The following RIPK1 variants were observed in gnomAD, a reference collection of about 807,000 sequenced individuals.
RIPK1 encodes the protein receptor-interacting serine/threonine-protein kinase 1.
In RIPK1, 27 loss-of-function variants were observed where a neutral mutation model predicts 62.4. That is an observed-to-expected ratio of 0.43 (90% CI 0.32 to 0.60). RIPK1 has a LOEUF of 0.60. Among genes scored for constraint, RIPK1 ranks in the 20% least tolerant of loss-of-function variants. RIPK1 has a pLI of 0.07. For missense variants in RIPK1, 735 were observed against 831.0 expected (o/e 0.88, Z 1.42); for synonymous variants, 287 against 303.2 (o/e 0.95, Z 0.55).
At position 3,068,523 on chromosome 6, in the gene RIPK1, A is replaced by G. The variant is rs192284169; in HGVS notation, c.-199A>G. The G allele has an allele frequency of 8.9e-3, 8,723 of 984,996 alleles. 44 individuals are homozygous for G. The highest frequency in any genetic ancestry group is 9.3e-3 in the Non-Finnish European group (7,721 of 829,690). 61.0% of individuals were successfully genotyped at this position (984,996 alleles called of 1,614,324 possible). On this transcript the variant is annotated 5_prime_UTR_variant, in exon 1 of 11. Transcript: ENST00000259808. ...CACGCCCTCCAGCCGGGCGCGCTCG[A>G]CGCGGACGGCGGGCCAGCTGCCGGA...
chr6:3,077,035 G>A, intron 2 of RIPK1, 48 bp downstream of exon 2: 4 of 1,525,408 alleles, frequency 2.6e-6, no homozygotes, highest in Non-Finnish European at 3.5e-6. Flanking sequence ...GCGGGATGGG[G>A]ACGTTGGCTG....
At chr6:3,069,486 G>T (rs897846454) in intron 1 of RIPK1, among the ~76,000 whole-genome samples, 2 of 152,108 alleles carry the variant, frequency 1.3e-5, no homozygotes, top group African/African-American at 4.8e-5. Context: ...GGGAGGTCTG[G>T]GGTTGTTAGT....
intron 4 of RIPK1, among the ~76,000 whole-genome samples, chr6:3,082,718 TCC>T (rs1235980233): frequency 1.3e-5 from 2 of 151,884 alleles, no homozygotes; most frequent in Non-Finnish European, 2.9e-5. Context: ...ATAACCATTT[TCC>T]CCCCAAGCCC....
At chr6:3,094,089 C>CCTGCACCTAGTAA (rs1561765150) in intron 7 of RIPK1, among the ~76,000 whole-genome samples, 2 of 96,006 alleles carry the variant, frequency 2.1e-5, no homozygotes, top group Admixed American at 1.0e-4. Flanking sequence ...GCGCCTACCT[C>CCTGCACCTAGTAA]CTGCACCTAG....
At chr6:3,084,782 C>T (rs572503678) in intron 5 of RIPK1, among the ~76,000 whole-genome samples, 7 of 151,916 alleles carry the variant, frequency 4.6e-5, no homozygotes, top group East Asian at 3.9e-4. Context: ...TTAGTAGAGA[C>T]GGGGTTTCAC....
In RIPK1 at chr6:3,106,256, T is replaced by A. The variant is rs9501922; in HGVS notation, c.1576+205T>A. ...ATCTGGGGCTAGGATTCATCACAGA[T>A]GCCCGCAAGCATCGGGTTACAGGTC... On this transcript the variant is annotated intron_variant, in intron 9 of 10. Transcript: ENST00000259808. Among the ~76,000 whole-genome samples, 1,463 of 152,288 alleles carry A rather than the reference T, an allele frequency of 9.6e-3. 24 individuals are homozygous for A. The highest frequency in any genetic ancestry group is 0.032 in the African/African-American group (1,336 of 41,546).
intron 7 of RIPK1, among the ~76,000 whole-genome samples, chr6:3,098,004 T>G (rs944663953): frequency 1.3e-5 from 2 of 152,186 alleles, no homozygotes; most frequent in Non-Finnish European, 2.9e-5. Flanking sequence ...GAGACTAGCC[T>G]GGGCAACATA....
intron 10 of RIPK1, among the ~76,000 whole-genome samples, chr6:3,112,266 AT>A (rs1761202024): frequency 6.6e-6 from 1 of 152,176 alleles, no homozygotes; most frequent in African/African-American, 2.4e-5. Context: ...CAATTCCTTG[AT>A]TAAGTAAGAG....
intron 5 of RIPK1, among the ~76,000 whole-genome samples, chr6:3,083,633 T>C (rs1164252196): frequency 1.3e-5 from 2 of 152,166 alleles, no homozygotes; most frequent in Non-Finnish European, 2.9e-5. Flanking sequence ...CAGTCCCTAC[T>C]GTGGGCACTT....
intron 1 of RIPK1, among the ~76,000 whole-genome samples, chr6:3,073,204 T>C (rs1223871407): frequency 2.8e-5 from 4 of 142,952 alleles, no homozygotes; most frequent in East Asian, 4.1e-4. Flanking sequence ...CATACACACA[T>C]ACAAATATGT....
At chr6:3,097,781 C>T (rs763080890) in intron 7 of RIPK1, among the ~76,000 whole-genome samples, 49 of 151,550 alleles carry the variant, frequency 3.2e-4, no homozygotes, top group African/African-American at 1.1e-3. Context: ...AATTTATAAA[C>T]GAATTCATTG....
Position 3,109,754 on chromosome 6 carries a change from A to G in RIPK1, c.1577-1049A>G, listed in dbSNP as rs566094060. 4.6e-5 allele frequency among the ~76,000 whole-genome samples: 7 copies of G among 152,300 alleles called. No individual in the cohort carries two copies. The South Asian group carries it at 1.2e-3, about 27-fold the overall frequency. On this transcript the variant is annotated intron_variant, in intron 9 of 10. Coordinates refer to ENST00000259808, the MANE Select transcript of RIPK1 (RefSeq NM_001354930.2). ...ATCTATATAACTGTTTTAATCTTGC[A>G]AAACTAAAACTCTGTATCCATTAAA...
intron 10 of RIPK1, among the ~76,000 whole-genome samples, chr6:3,111,272 G>A (rs1349967512): frequency 6.6e-6 from 1 of 152,080 alleles, no homozygotes; most frequent in Non-Finnish European, 1.5e-5. Context: ...ATCATCATCA[G>A]TATTACTTCT....
At chr6:3,104,938 G>A (rs1409039580) in intron 8 of RIPK1, among the ~76,000 whole-genome samples, 1 of 151,934 alleles carries the variant, frequency 6.6e-6, no homozygotes, top group Non-Finnish European at 1.5e-5. Flanking sequence ...TACAACCTCC[G>A]CCTTTCAGGT....
At position 3,110,906 on chromosome 6, in the gene RIPK1, A is replaced by G; in HGVS notation, c.1680A>G (p.Thr560=). 6.2e-7 allele frequency: 1 copy of G among 1,613,622 alleles called. No homozygotes were observed. Among genetic ancestry groups the G allele is most frequent in the East Asian group, 2.2e-5 (1 of 44,838 alleles). ...GGTSSSLLDS[T]NTNFKEEPAA... Reference sequence around the variant, plus strand: ...CGAGTTCATCACTACTAGACAGCACAAATACGAACTTCAAAGAAGAGCCAG... The same window carrying G: ...CGAGTTCATCACTACTAGACAGCACGAATACGAACTTCAAAGAAGAGCCAG... Residue 560 remains threonine, a synonymous_variant, in exon 10 of 11, where the codon ACA becomes ACG. Transcript: ENST00000259808.
In RIPK1 at chr6:3,072,861, G is replaced by C. The variant is rs141542509; in HGVS notation, c.-60-3903G>C. Among the ~76,000 whole-genome samples the C allele has an allele frequency of 6.6e-6, 1 of 151,934 alleles. No homozygotes were observed. Among genetic ancestry groups the C allele is most frequent in the African/African-American group, 2.4e-5 (1 of 41,232 alleles). On this transcript the variant is annotated intron_variant, in intron 1 of 10. Coordinates refer to ENST00000259808, the MANE Select transcript of RIPK1 (RefSeq NM_001354930.2). This position sits in a 1 kb window ranked among gnomAD's most constrained non-coding sequence, Gnocchi z 5.6. ...TCTGCCTGCTCCAGTGATGTGTAGT[G>C]AATGAAAAAGGAGGCCTAAAATCAA...
chr6:3,106,549 T>C (rs982985332), intron 9 of RIPK1, among the ~76,000 whole-genome samples: 1 of 152,234 alleles, frequency 6.6e-6, no homozygotes, highest in African/African-American at 2.4e-5. Flanking sequence ...CAGTCTAGAA[T>C]GGAAGTGAGT....
intron 4 of RIPK1, among the ~76,000 whole-genome samples, chr6:3,082,298 A>G (rs1360379870): frequency 6.6e-6 from 1 of 152,168 alleles, no homozygotes; most frequent in Non-Finnish European, 1.5e-5. Flanking sequence ...CTTCAAATTC[A>G]TGACTTCCCT....
chr6:3,102,757 C>T (rs781425591), intron 7 of RIPK1, among the ~76,000 whole-genome samples: 8 of 152,112 alleles, frequency 5.3e-5, no homozygotes, highest in African/African-American at 1.7e-4. Context: ...TACACCACCA[C>T]GCCCGGCTAG....
Sources: gnomAD v4.1 joint callset for allele counts (sites outside exome capture counted in the v4.1 genomes callset) on GRCh38, gnomAD v4.1.1 for gene constraint, Gnocchi (gnomAD v3.1) non-coding constraint, MANE v1.5 for transcripts, NCBI Gene and HGNC (gene_info 2026-07-23, HGNC 2026-07-21) for gene names.